Variants in TOR1AIP2 observed in about 807,000 individuals in gnomAD.
TOR1AIP2 encodes torsin 1A interacting protein 2.
TOR1AIP2 carries 20 observed loss-of-function variants against 32.6 expected under a neutral mutation model. That is an observed-to-expected ratio of 0.61 (90% CI 0.43 to 0.89). TOR1AIP2 has a LOEUF of 0.89. Ranked by LOEUF, TOR1AIP2 falls within the 40% of genes least tolerant of loss-of-function variation. The pLI is 0.00. For synonymous variants in TOR1AIP2, 214 were observed against 210.8 expected (o/e 1.02, Z -0.13); for missense variants, 456 against 553.8 (o/e 0.82, Z 1.77).
In TOR1AIP2 at chr1:179,860,820, G is replaced by C. The variant is rs923313154; in HGVS notation, c.-147+4616C>G. On this transcript the variant is annotated intron_variant, in intron 3 of 6. Transcript: ENST00000609928. Reference sequence around the variant, plus strand: ...TCCCCAAAATTCCATGGAGACTCAGGGTTGCCAGGGAGACTGGAGAGATGA... The same window carrying C: ...TCCCCAAAATTCCATGGAGACTCAGCGTTGCCAGGGAGACTGGAGAGATGA... The C allele has an allele frequency of 4.1e-6, 4 of 985,258 alleles. No individual in the cohort carries two copies. The African/African-American group carries it at 5.2e-5, about 13-fold the overall frequency. 61.0% of individuals were successfully genotyped at this position (985,258 alleles called of 1,614,324 possible). A position where few individuals can be genotyped will look rare whatever the true frequency, so the allele number is the denominator to read the frequency against.
intron 5 of TOR1AIP2, among the ~76,000 whole-genome samples, chr1:179,850,621 T>C (rs188210128): frequency 7.9e-5 from 12 of 152,374 alleles, no homozygotes; most frequent in African/African-American, 2.9e-4. Context: ...ATGCAGTTTA[T>C]GTGTAGGAAG....
intron 3 of TOR1AIP2, chr1:179,860,626 C>T (rs1696485377): frequency 1.0e-6 from 1 of 983,686 alleles, no homozygotes; most frequent in Admixed American, 6.2e-5. Flanking sequence ...TTAAACCTCA[C>T]AACAGTATGA....
chr1:179,872,873 A>G (rs1014344784), intron 2 of TOR1AIP2, among the ~76,000 whole-genome samples: 2 of 152,260 alleles, frequency 1.3e-5, no homozygotes, highest in African/African-American at 4.8e-5. Flanking sequence ...TCAAGTCAAC[A>G]TATTTTTATT....
Position 179,845,356 on chromosome 1 carries a change from G to T in TOR1AIP2, c.*715C>A, listed in dbSNP as rs752744648. On this transcript the variant is annotated 3_prime_UTR_variant, in exon 7 of 7. Transcript: ENST00000609928. ...ATTGTTCAAGAAAAGCTGAAGTAAA[G>T]ATATAGCCAATTGGAATTTCTTCAT... 2.0e-5 allele frequency: 3 copies of T among 152,168 alleles called. No individual in the cohort carries two copies. The highest frequency in any genetic ancestry group is 6.5e-5 in the Admixed American group (1 of 15,282). 9.4% of individuals were successfully genotyped at this position (152,168 alleles called of 1,614,324 possible). A position where few individuals can be genotyped will look rare whatever the true frequency, so the allele number is the denominator to read the frequency against.
At chr1:179,854,571 C>A (rs1377654037) in intron 3 of TOR1AIP2, among the ~76,000 whole-genome samples, 1 of 152,144 alleles carries the variant, frequency 6.6e-6, no homozygotes, top group African/African-American at 2.4e-5. Context: ...ATCAAAACTT[C>A]TTTAAACTTA....
chr1:179,860,409 A>C lies in TOR1AIP2; in HGVS notation c.-147+5027T>G. On this transcript the variant is annotated intron_variant, in intron 3 of 6. Transcript: ENST00000609928. ...AAGTGGGAGGATCACTTGAGCCCAGAAGGTCAAGGCTGCAGTGAGCCATGA... is the reference window on the plus strand; with the variant it reads ...AAGTGGGAGGATCACTTGAGCCCAGCAGGTCAAGGCTGCAGTGAGCCATGA... 6 of 940,042 alleles carry C rather than the reference A, an allele frequency of 6.4e-6. No homozygotes were observed. The South Asian group carries it at 2.0e-4, about 31-fold the overall frequency. The allele number at this position is 940,042 out of a possible 1,614,324, so 58.2% of individuals were successfully genotyped here. A position where few individuals can be genotyped will look rare whatever the true frequency, so the allele number is the denominator to read the frequency against.
In TOR1AIP2 at chr1:179,850,710, C is replaced by G. The variant is rs559866144; in HGVS notation, c.553+135G>C. The G allele has an allele frequency of 3.5e-5, 38 of 1,073,712 alleles. No individual in the cohort carries two copies. In the South Asian group the frequency reaches 6.5e-4, roughly 18 times the overall value. The allele number at this position is 1,073,712 out of a possible 1,614,324, so 66.5% of individuals were successfully genotyped here. On this transcript the variant is annotated intron_variant, in intron 5 of 6. Coordinates refer to ENST00000609928, the MANE Select transcript of TOR1AIP2 (RefSeq NM_001199260.2). ...CAACTCAGTCATGGCTTGGTGTGAGCTTGGGCAAGGCCCAAAGGCCTTACT... is the reference window on the plus strand; with the variant it reads ...CAACTCAGTCATGGCTTGGTGTGAGGTTGGGCAAGGCCCAAAGGCCTTACT...
chr1:179,848,654 G>A (rs1237197254), intron 5 of TOR1AIP2, among the ~76,000 whole-genome samples: 1 of 152,160 alleles, frequency 6.6e-6, no homozygotes, highest in East Asian at 1.9e-4. Context: ...GCATAGATGA[G>A]TAGGATCATC....
At chr1:179,855,652 G>C (rs1161618176) in intron 3 of TOR1AIP2, among the ~76,000 whole-genome samples, 1 of 152,046 alleles carries the variant, frequency 6.6e-6, no homozygotes. Flanking sequence ...GAAAATTAAG[G>C]CACACACTCT....
At chr1:179,862,431 C>G (rs1347449593) in intron 3 of TOR1AIP2, 8 of 985,116 alleles carry the variant, frequency 8.1e-6, no homozygotes, top group Non-Finnish European at 9.6e-6. Flanking sequence ...ACTAACTAGT[C>G]TTCAGTCAAT....
intron 3 of TOR1AIP2, chr1:179,859,919 AT>A (rs1286581154): frequency 2.4e-6 from 2 of 832,500 alleles, no homozygotes; most frequent in African/African-American, 3.7e-5. Context: ...CCTCAAGCTC[AT>A]AGCTCACTGA....
At chr1:179,846,919 A>G (rs2148422763) in intron 6 of TOR1AIP2, 91 bp from the exon 7 acceptor site, 3 of 1,404,898 alleles carry the variant, frequency 2.1e-6, no homozygotes, top group Non-Finnish European at 9.5e-7. Flanking sequence ...CAGAGATACC[A>G]GCAGGTTTTA....
At chr1:179,876,834 A>C (rs1441437560) in intron 2 of TOR1AIP2, among the ~76,000 whole-genome samples, 3 of 152,166 alleles carry the variant, frequency 2.0e-5, no homozygotes, top group Non-Finnish European at 4.4e-5. Flanking sequence ...TTACTCATAA[A>C]GTAGAGAGTA....
intron 3 of TOR1AIP2, chr1:179,863,786 G>A: frequency 1.0e-6 from 1 of 984,720 alleles, no homozygotes; most frequent in Non-Finnish European, 1.2e-6. Flanking sequence ...CTAGATACCT[G>A]GCATGTTAAG....
intron 2 of TOR1AIP2, chr1:179,874,968 C>T (rs1218730881): frequency 1.3e-5 from 2 of 151,866 alleles, no homozygotes; most frequent in African/African-American, 2.4e-5. Context: ...CTTGGTGTTT[C>T]TCTCTCTCTC....
At chr1:179,873,044 A>G (rs1018171065) in intron 2 of TOR1AIP2, among the ~76,000 whole-genome samples, 3 of 152,232 alleles carry the variant, frequency 2.0e-5, no homozygotes, top group African/African-American at 4.8e-5. Context: ...GGCCATATTC[A>G]GATTTCACGA....
intron 3 of TOR1AIP2, chr1:179,862,585 G>A (rs1407525297): frequency 1.0e-6 from 1 of 985,274 alleles, no homozygotes; most frequent in Non-Finnish European, 1.2e-6. Context: ...CATGTAGCAA[G>A]TATGATTTGT....
intron 2 of TOR1AIP2, among the ~76,000 whole-genome samples, chr1:179,870,264 T>TG (rs941602032): frequency 3.3e-5 from 5 of 152,128 alleles, no homozygotes; most frequent in Non-Finnish European, 7.4e-5. Flanking sequence ...CCAGCCGTGG[T>TG]GGCGGGCGCC....
In TOR1AIP2 at chr1:179,845,755, GAAGT is replaced by G. The variant is rs1295436247; in HGVS notation, c.*312_*315del. 2.4e-5 allele frequency: 5 copies of G among 212,746 alleles called. No homozygotes were observed. Among genetic ancestry groups the G allele is most frequent in the East Asian group, 1.1e-4 (1 of 9,468 alleles). The allele number at this position is 212,746 out of a possible 1,614,324, so 13.2% of individuals were successfully genotyped here. ...AAAAATCACTCTGTAGTTACTCTAA[GAAGT>G]AAGAGTATCTTCCTGTGCAATGTTG... is the stretch of plus-strand genomic sequence containing the variant. On this transcript the variant is annotated 3_prime_UTR_variant, in exon 7 of 7. Coordinates refer to ENST00000609928, the MANE Select transcript of TOR1AIP2 (RefSeq NM_001199260.2).
Sources: gnomAD v4.1 joint callset for allele counts (sites outside exome capture counted in the v4.1 genomes callset) on GRCh38, gnomAD v4.1.1 for gene constraint, MANE v1.5 for transcripts, NCBI Gene and HGNC (gene_info 2026-07-23, HGNC 2026-07-21) for gene names.